The following PTPRD variants were observed in gnomAD, a reference collection of about 807,000 sequenced individuals.
PTPRD encodes receptor-type tyrosine-protein phosphatase delta.
Under a neutral mutation model 214.5 loss-of-function variants are expected in PTPRD, and 34 were observed. That is an observed-to-expected ratio of 0.16 (90% confidence interval 0.12 to 0.21). The LOEUF is 0.21. PTPRD is among the 10% of genes least tolerant of loss of function. The pLI is 1.00. For synonymous variants in PTPRD, 1,128 were observed against 845.7 expected (o/e 1.33, Z -5.79); for missense variants, 2,545 against 2,398.7 (o/e 1.06, Z -1.27).
chr9:9,565,448 G>C (rs765543648), intron 8 of PTPRD, among the ~76,000 whole-genome samples: 22 of 151,744 alleles, frequency 1.4e-4, no homozygotes, highest in Admixed American at 7.2e-4. Context: ...TGGAAAGGAA[G>C]GTATAAAAAT....
intron 8 of PTPRD, among the ~76,000 whole-genome samples, chr9:9,525,567 G>C (rs951932721): frequency 2.0e-5 from 3 of 151,890 alleles, no homozygotes; most frequent in Admixed American, 6.6e-5. Context: ...AGAGATGAAA[G>C]CAACTTATGG....
chr9:8,767,081 C>T (rs1209992733), intron 11 of PTPRD, among the ~76,000 whole-genome samples: 3 of 151,990 alleles, frequency 2.0e-5, no homozygotes, highest in South Asian at 2.1e-4. Context: ...AATGAAGAAC[C>T]GCATATGTAA....
chr9:10,152,084 G>C (rs1043097197), intron 3 of PTPRD, among the ~76,000 whole-genome samples: 2 of 152,174 alleles, frequency 1.3e-5, no homozygotes, highest in Non-Finnish European at 2.9e-5. Flanking sequence ...ATTGTAGTAA[G>C]ATTCTGTTCA....
intron 9 of PTPRD, among the ~76,000 whole-genome samples, chr9:9,363,983 T>A (rs1002989618): frequency 2.0e-5 from 3 of 151,540 alleles, no homozygotes; most frequent in Non-Finnish European, 4.4e-5. Flanking sequence ...CACGGCATTT[T>A]ATGGTATTAG....
At position 10,104,171 on chromosome 9, in the gene PTPRD, G is replaced by C. The variant is rs983601805; in HGVS notation, c.-544-70381C>G. On this transcript the variant is annotated intron_variant, in intron 3 of 45. Transcript: ENST00000381196. Reference sequence around the variant, plus strand: ...GGGTGCCAGGGGCTGGGAGAGGAGGGAAGGAGGAGTGATTGTATAATGGGT... The same window carrying C: ...GGGTGCCAGGGGCTGGGAGAGGAGGCAAGGAGGAGTGATTGTATAATGGGT... Among the ~76,000 whole-genome samples, 3 of 151,650 alleles carry C rather than the reference G, an allele frequency of 2.0e-5. No homozygotes were observed. The East Asian group carries it at 5.8e-4, about 29-fold the overall frequency.
At chr9:9,014,186 TGTTTGTTTG>T (rs1569400638) in intron 11 of PTPRD, among the ~76,000 whole-genome samples, 2 of 72,012 alleles carry the variant, frequency 2.8e-5, no homozygotes, top group South Asian at 3.6e-4. Flanking sequence ...CGTTTTTTTT[TGTTTGTTTG>T]TTTGTTTTTT....
intron 10 of PTPRD, among the ~76,000 whole-genome samples, chr9:9,138,226 A>T (rs1324969189): frequency 6.6e-6 from 1 of 152,132 alleles, no homozygotes. Context: ...AAATAGCAAA[A>T]TCAATTATAT....
In PTPRD at chr9:8,548,447, A is replaced by T. The variant is rs111561845; in HGVS notation, c.353-19668T>A. Among the ~76,000 whole-genome samples the T allele has an allele frequency of 8.3e-4, 126 of 151,994 alleles. 2 individuals are homozygous for T. Among genetic ancestry groups the T allele is most frequent in the African/African-American group, 2.9e-3 (122 of 41,484 alleles). On this transcript the variant is annotated intron_variant, in intron 14 of 45. Transcript: ENST00000381196. Reference sequence around the variant, plus strand: ...CCGTGGCACAATCTCATCTCACTGCAACCTCACCCTCCCAGGTTCAAGCGA... The same window carrying T: ...CCGTGGCACAATCTCATCTCACTGCTACCTCACCCTCCCAGGTTCAAGCGA...
At chr9:8,522,304 T>C (rs1280373837) in intron 19 of PTPRD, among the ~76,000 whole-genome samples, 1 of 151,494 alleles carries the variant, frequency 6.6e-6, no homozygotes, top group East Asian at 1.9e-4. Context: ...GCAGAAGAAA[T>C]AAGGGGGCAA....
chr9:9,152,960 A>G (rs2099878153), intron 10 of PTPRD, among the ~76,000 whole-genome samples: 1 of 152,122 alleles, frequency 6.6e-6, no homozygotes, highest in African/African-American at 2.4e-5. Flanking sequence ...CATCCTCCCC[A>G]CTGTGTGTTG....
chr9:8,737,126 G>A (rs987109375), intron 11 of PTPRD, among the ~76,000 whole-genome samples: 1 of 152,174 alleles, frequency 6.6e-6, no homozygotes, highest in African/African-American at 2.4e-5. Context: ...CTCCTACTCA[G>A]CTGAAGTGCA....
intron 35 of PTPRD, among the ~76,000 whole-genome samples, chr9:8,431,643 A>C (rs1346798201): frequency 4.6e-5 from 7 of 152,206 alleles, no homozygotes; most frequent in Non-Finnish European, 1.0e-4. Flanking sequence ...TCTGTAATAC[A>C]TTACCCTAAA....
At chr9:9,192,420 G>A (rs938697256) in intron 9 of PTPRD, among the ~76,000 whole-genome samples, 1 of 152,118 alleles carries the variant, frequency 6.6e-6, no homozygotes, top group Non-Finnish European at 1.5e-5. Context: ...AGGTATCCTA[G>A]TGATTAAAAG....
At chr9:10,574,471 C>T (rs542612125) in intron 2 of PTPRD, among the ~76,000 whole-genome samples, 1 of 152,066 alleles carries the variant, frequency 6.6e-6, no homozygotes, top group South Asian at 2.1e-4. Flanking sequence ...GAGAAGTACA[C>T]ATCACCCCTG....
chr9:9,682,410 G>A (rs2154398138), intron 7 of PTPRD, among the ~76,000 whole-genome samples: 1 of 151,898 alleles, frequency 6.6e-6, no homozygotes, highest in Middle Eastern at 3.4e-3. Context: ...AAGTCAGGAG[G>A]TGATTCTGGC....
intron 43 of PTPRD, among the ~76,000 whole-genome samples, chr9:8,334,254 T>C (rs1844432962): frequency 6.6e-6 from 1 of 152,104 alleles, no homozygotes; most frequent in African/African-American, 2.4e-5. Context: ...ACATTGCACT[T>C]ATTCTAACAT....
rs180848707 is a variant in PTPRD, at chr9:10,174,412, A to T, written c.-544-140622T>A. 1.3e-3 allele frequency among the ~76,000 whole-genome samples: 202 copies of T among 152,006 alleles called. 1 individual carries two copies. Among genetic ancestry groups the T allele is most frequent in the African/African-American group, 4.2e-3 (174 of 41,532 alleles). ...GGCTGGCTCCCTTTCACCTTCCACCATGAGTGGAAGGAAAATGAGGCCCTC... is the reference window on the plus strand; with the variant it reads ...GGCTGGCTCCCTTTCACCTTCCACCTTGAGTGGAAGGAAAATGAGGCCCTC... On this transcript the variant is annotated intron_variant, in intron 3 of 45. Coordinates refer to ENST00000381196, the MANE Select transcript of PTPRD (RefSeq NM_002839.4).
intron 10 of PTPRD, among the ~76,000 whole-genome samples, chr9:9,099,924 T>C (rs1479449051): frequency 6.6e-6 from 1 of 152,136 alleles, no homozygotes; most frequent in Non-Finnish European, 1.5e-5. Context: ...GTCTATATTT[T>C]AAGCAACTCA....
chr9:8,643,448 A>T (rs1022781274), intron 12 of PTPRD, among the ~76,000 whole-genome samples: 1 of 152,224 alleles, frequency 6.6e-6, no homozygotes. Flanking sequence ...TATGAGTGAG[A>T]GAACTTCTGA....
Sources: gnomAD v4.1 joint callset for allele counts (sites outside exome capture counted in the v4.1 genomes callset) on GRCh38, gnomAD v4.1.1 for gene constraint, MANE v1.5 for transcripts, NCBI Gene and HGNC (gene_info 2026-07-23, HGNC 2026-07-21) for gene names.